TAOK1: variants seen among roughly 807,000 people sequenced by gnomAD.
TAOK1 encodes the protein TAO kinase 1, also known as serine/threonine-protein kinase TAO1.
TAOK1 carries 21 observed loss-of-function variants against 138.3 expected under a neutral mutation model. The observed-to-expected ratio is 0.15, with a 90% CI of 0.11 to 0.22. The LOEUF (loss-of-function observed/expected upper bound fraction) is 0.22, where lower values mean the gene tolerates loss of function less well. Ranked by LOEUF, TAOK1 falls within the 10% of genes least tolerant of loss-of-function variation. The pLI, the probability that TAOK1 is intolerant of heterozygous loss-of-function variation, is 1.00. For missense variants in TAOK1, 651 were observed against 1,227.7 expected, an observed-to-expected ratio of 0.53 and a Z score of 7.02; for synonymous variants, 361 against 398.4, an observed-to-expected ratio of 0.91 and a Z score of 1.12.
intron 19 of TAOK1, among the ~76,000 whole-genome samples, chr17:29,534,780 AGG>A (rs2032193164): frequency 6.6e-6 from 1 of 152,228 alleles, no homozygotes; most frequent in Non-Finnish European, 1.5e-5. Flanking sequence ...GAGGGACAGA[AGG>A]TAAAATTAGT....
chr17:29,414,717 C>T (rs1051098653), intron 1 of TAOK1, among the ~76,000 whole-genome samples: 7 of 150,524 alleles, frequency 4.7e-5, no homozygotes, highest in South Asian at 2.1e-4. Flanking sequence ...CCACCATGCC[C>T]AGCTATTATT....
chr17:29,475,815 G>A (rs1247586817), intron 4 of TAOK1, 44 bp downstream of exon 4: 4 of 1,465,646 alleles, frequency 2.7e-6, no homozygotes, highest in Non-Finnish European at 1.9e-6. Flanking sequence ...GCTGATTTTG[G>A]TTTATAATGA....
At chr17:29,500,587 A>T (rs1158479731) in intron 12 of TAOK1, among the ~76,000 whole-genome samples, 5 of 152,080 alleles carry the variant, frequency 3.3e-5, no homozygotes, top group Admixed American at 6.5e-5. Flanking sequence ...CTAAAAATAC[A>T]AAAATTAGCC....
chr17:29,520,420 T>A (rs2031893294), intron 16 of TAOK1, among the ~76,000 whole-genome samples: 1 of 151,624 alleles, frequency 6.6e-6, no homozygotes, highest in South Asian at 2.1e-4. Flanking sequence ...CAAGACCCTG[T>A]CTCTACAAAT....
intron 19 of TAOK1, among the ~76,000 whole-genome samples, chr17:29,534,757 G>A (rs1444713505): frequency 3.3e-5 from 5 of 152,232 alleles, no homozygotes; most frequent in African/African-American, 9.7e-5. Context: ...ATACAGATTG[G>A]TAGAGGATTA....
chr17:29,416,521 A>G lies in TAOK1; in HGVS notation c.-95+25497A>G, dbSNP rs535831514. 5.9e-5 allele frequency among the ~76,000 whole-genome samples: 9 copies of G among 152,156 alleles called. No individual in the cohort carries two copies. In the East Asian group the frequency reaches 1.7e-3, roughly 29 times the overall value. The stretch of plus-strand genomic sequence containing the variant: ...GGGCAGTTATACATTGGAAATGTAT[A>G]CAACAAATTAAATATTACATTATTT... On this transcript the variant is annotated intron_variant, in intron 1 of 19. Transcript: ENST00000261716.
intron 1 of TAOK1, among the ~76,000 whole-genome samples, chr17:29,427,668 T>G (rs1358062060): frequency 6.6e-6 from 1 of 151,998 alleles, no homozygotes; most frequent in Non-Finnish European, 1.5e-5. Flanking sequence ...GGCTCACGCC[T>G]GTAATCCCAG....
Position 29,397,672 on chromosome 17 carries a change from T to TATAC in TAOK1, c.-95+6651_-95+6654dup, listed in dbSNP as rs1904677914. Among the ~76,000 whole-genome samples, 115 of 59,662 alleles carry TATAC rather than the reference T, an allele frequency of 1.9e-3. 7 individuals carry two copies. The highest frequency in any genetic ancestry group is 8.0e-3 in the African/African-American group (109 of 13,704). 39.1% of individuals were successfully genotyped at this position (59,662 alleles called of 152,430 possible). Reference sequence around the variant, plus strand: ...TATGTATATTCATGTATGATACATGTATACATGTATACATGTATATTCATG... The same window carrying TATAC: ...TATGTATATTCATGTATGATACATGTATACATACATGTATACATGTATATTCATG... On this transcript the variant is annotated intron_variant, in intron 1 of 19. Transcript: ENST00000261716.
chr17:29,540,674 G>A (rs2032300564), intron 19 of TAOK1, among the ~76,000 whole-genome samples: 2 of 152,130 alleles, frequency 1.3e-5, no homozygotes, highest in African/African-American at 4.8e-5. Flanking sequence ...AGGTTCAAGC[G>A]ATTCTTCTGC....
intron 18 of TAOK1, among the ~76,000 whole-genome samples, chr17:29,532,667 G>A (rs1431031628): frequency 6.6e-6 from 1 of 152,116 alleles, no homozygotes; most frequent in East Asian, 1.9e-4. Flanking sequence ...TGGGGGTAAG[G>A]TCACAGATCA....
Position 29,502,569 on chromosome 17 carries a change from TC to T in TAOK1, c.1204-19del. On this transcript the variant is annotated intron_variant, in intron 12 of 19. Coordinates refer to ENST00000261716, the MANE Select transcript of TAOK1 (RefSeq NM_020791.4). ...AAACTGTTCACCTTACATAATATTG[TC>T]TTTTTTTTTTTTTCCTAGGAGGAAG... The T allele has an allele frequency of 6.3e-7, 1 of 1,589,084 alleles. No individual in the cohort carries two copies.
chr17:29,400,602 A>G (rs1378903411), intron 1 of TAOK1, among the ~76,000 whole-genome samples: 1 of 151,814 alleles, frequency 6.6e-6, no homozygotes, highest in African/African-American at 2.4e-5. Flanking sequence ...TTACGTTCCA[A>G]AATGTATTAA....
chr17:29,465,864 T>C (rs866627541), intron 2 of TAOK1, among the ~76,000 whole-genome samples: 24 of 131,898 alleles, frequency 1.8e-4, no homozygotes, highest in East Asian at 1.1e-3. Context: ...TTTTTTTTTT[T>C]CAGATTTTCC....
At chr17:29,499,174 G>A (rs1003625513) in intron 12 of TAOK1, among the ~76,000 whole-genome samples, 1 of 151,704 alleles carries the variant, frequency 6.6e-6, no homozygotes, top group African/African-American at 2.4e-5. Flanking sequence ...AGTGAGAAAT[G>A]GTTGGGATGA....
chr17:29,464,691 T>G (rs1260740656), intron 2 of TAOK1, among the ~76,000 whole-genome samples: 1 of 152,210 alleles, frequency 6.6e-6, no homozygotes, highest in Non-Finnish European at 1.5e-5. Flanking sequence ...AAGACTTATG[T>G]GGCTAGATCT....
chr17:29,446,531 G>A (rs1598484319), intron 1 of TAOK1, among the ~76,000 whole-genome samples: 1 of 151,908 alleles, frequency 6.6e-6, no homozygotes, highest in South Asian at 2.1e-4. Flanking sequence ...CTGAGCCACC[G>A]CACCCAGGCT....
intron 16 of TAOK1, among the ~76,000 whole-genome samples, chr17:29,520,013 A>T (rs980451455): frequency 6.6e-6 from 1 of 151,942 alleles, no homozygotes; most frequent in African/African-American, 2.4e-5. Context: ...CTCTATCTCC[A>T]CTAAAAATAT....
chr17:29,530,106 T>C (rs2032077999), intron 17 of TAOK1, among the ~76,000 whole-genome samples: 1 of 152,152 alleles, frequency 6.6e-6, no homozygotes, highest in Non-Finnish European at 1.5e-5. Flanking sequence ...AATTTTAATA[T>C]CTACTCAGGT....
intron 1 of TAOK1, among the ~76,000 whole-genome samples, chr17:29,395,721 G>A (rs896204416): frequency 2.0e-5 from 3 of 147,872 alleles, no homozygotes; most frequent in African/African-American, 7.5e-5. Flanking sequence ...GCAATAGCGT[G>A]ATCACAGCGT....
Sources: allele counts gnomAD v4.1 joint callset (sites outside exome capture counted in the v4.1 genomes callset), GRCh38; gene constraint gnomAD v4.1.1; transcripts MANE v1.5; gene names NCBI Gene and HGNC (gene_info 2026-07-23, HGNC 2026-07-21).